The following WDFY1 variants were observed in gnomAD, a reference collection of about 807,000 sequenced individuals.
WDFY1 encodes the protein WD repeat and FYVE domain containing 1.
WDFY1 carries 32 observed loss-of-function variants against 56.4 expected under a neutral mutation model. The observed-to-expected ratio is 0.57, with a 90% CI of 0.43 to 0.76. The LOEUF (loss-of-function observed/expected upper bound fraction) is 0.76, where lower values mean the gene tolerates loss of function less well. WDFY1 is among the 30% of genes least tolerant of loss of function. The pLI, the probability that WDFY1 is intolerant of heterozygous loss-of-function variation, is 0.00. For synonymous variants in WDFY1, 192 were observed against 197.3 expected, an observed-to-expected ratio of 0.97 and a Z score of 0.23; for missense variants, 480 against 545.7, an observed-to-expected ratio of 0.88 and a Z score of 1.20.
chr2:223,943,856 G>A (rs1419270274), intron 1 of WDFY1, among the ~76,000 whole-genome samples: 1 of 152,160 alleles, frequency 6.6e-6, no homozygotes, highest in Non-Finnish European at 1.5e-5. Context: ...ACCTCCACCA[G>A]CCTCGGCTTC....
chr2:223,924,021 A>G (rs1048143606), intron 1 of WDFY1, among the ~76,000 whole-genome samples: 1 of 152,176 alleles, frequency 6.6e-6, no homozygotes, highest in Non-Finnish European at 1.5e-5. Flanking sequence ...GGACCACATC[A>G]ATCTGGGGAA....
At chr2:223,907,267 G>T (rs529250718) in intron 3 of WDFY1, among the ~76,000 whole-genome samples, 2 of 152,008 alleles carry the variant, frequency 1.3e-5, no homozygotes, top group Admixed American at 6.6e-5. Context: ...ATGAGCCACC[G>T]TGCCCAGCCA....
In WDFY1 at chr2:223,875,713, C is replaced by T. The variant is rs1276576400; in HGVS notation, c.*2958G>A. The T allele has an allele frequency of 2.0e-5, 3 of 152,160 alleles. No individual in the cohort carries two copies. Among genetic ancestry groups the T allele is most frequent in the African/African-American group, 7.2e-5 (3 of 41,444 alleles). The allele number at this position is 152,160 out of a possible 1,614,324, so 9.4% of individuals were successfully genotyped here. ...GCAATAGACACTTGAATAAATATAG[C>T]ATGTATTACTTATTTGTTAAGCCTT... On this transcript the variant is annotated 3_prime_UTR_variant, in exon 12 of 12. Coordinates refer to ENST00000233055, the MANE Select transcript of WDFY1 (RefSeq NM_020830.5).
chr2:223,940,398 G>A (rs1326048767), intron 1 of WDFY1, among the ~76,000 whole-genome samples: 1 of 152,126 alleles, frequency 6.6e-6, no homozygotes, highest in Non-Finnish European at 1.5e-5. Context: ...CTGACGTTTA[G>A]AATGCACTAA....
intron 6 of WDFY1, among the ~76,000 whole-genome samples, chr2:223,895,877 G>A (rs563440350): frequency 6.6e-6 from 1 of 151,978 alleles, no homozygotes; most frequent in South Asian, 2.1e-4. Flanking sequence ...ACTACTTTGG[G>A]CCGGGCATGG....
intron 4 of WDFY1, among the ~76,000 whole-genome samples, chr2:223,905,176 G>A (rs532806335): frequency 3.3e-5 from 5 of 152,212 alleles, no homozygotes; most frequent in African/African-American, 1.2e-4. Flanking sequence ...TTCATGAACA[G>A]GTATTCTCAG....
intron 1 of WDFY1, among the ~76,000 whole-genome samples, chr2:223,938,841 T>C (rs1365888854): frequency 7.0e-6 from 1 of 142,886 alleles, no homozygotes; most frequent in African/African-American, 2.6e-5. Flanking sequence ...AAAAAGAGGA[T>C]AAAATGTAAG....
At position 223,907,179 on chromosome 2, in the gene WDFY1, G is replaced by T. The variant is rs547075262; in HGVS notation, c.280-1178C>A. Among the ~76,000 whole-genome samples the T allele has an allele frequency of 3.9e-5, 6 of 151,902 alleles. No homozygotes were observed. The South Asian group carries it at 1.2e-3, about 32-fold the overall frequency. On this transcript the variant is annotated intron_variant, in intron 3 of 11. Coordinates refer to ENST00000233055, the MANE Select transcript of WDFY1 (RefSeq NM_020830.5). Reference sequence around the variant, plus strand: ...TTTAGTACAGACAGGGTTTCACCATGTTGGCCAGCCTGGTCTTGAACTCAC... The same window carrying T: ...TTTAGTACAGACAGGGTTTCACCATTTTGGCCAGCCTGGTCTTGAACTCAC...
intron 1 of WDFY1, among the ~76,000 whole-genome samples, chr2:223,932,334 G>A (rs985829546): frequency 1.3e-5 from 2 of 150,836 alleles, no homozygotes; most frequent in East Asian, 2.0e-4. Flanking sequence ...GTGTTAGCCA[G>A]GATGGTCTCG....
rs71058956 is a variant in WDFY1, at chr2:223,896,155, CAAAAAAAAAAAA to C, written c.599-537_599-526del. ...TGGGTGACAGAGTGAGACTCTGTCT[CAAAAAAAAAAAA>C]AAAAAAAAAAAAAAAACTGCTTGTA... is the stretch of plus-strand genomic sequence containing the variant. On this transcript the variant is annotated intron_variant, in intron 6 of 11. Coordinates refer to ENST00000233055, the MANE Select transcript of WDFY1 (RefSeq NM_020830.5). Among the ~76,000 whole-genome samples, 16 of 39,840 alleles carry C rather than the reference CAAAAAAAAAAAA, an allele frequency of 4.0e-4. No individual in the cohort carries two copies. The South Asian group carries it at 0.01, about 26-fold the overall frequency. 26.1% of individuals were successfully genotyped at this position (39,840 alleles called of 152,430 possible).
intron 6 of WDFY1, among the ~76,000 whole-genome samples, chr2:223,897,226 G>A (rs976268704): frequency 1.3e-5 from 2 of 151,534 alleles, no homozygotes; most frequent in African/African-American, 4.9e-5. Context: ...CCATAAACCA[G>A]ATGGCCTCAA....
At chr2:223,919,722 C>A (rs1231865734) in intron 1 of WDFY1, among the ~76,000 whole-genome samples, 1 of 152,184 alleles carries the variant, frequency 6.6e-6, no homozygotes, top group African/African-American at 2.4e-5. Flanking sequence ...TAAGTAGGAG[C>A]TGAATAAATG....
intron 3 of WDFY1, among the ~76,000 whole-genome samples, chr2:223,907,282 T>G (rs1251257976): frequency 2.6e-5 from 4 of 152,116 alleles, no homozygotes; most frequent in Admixed American, 2.6e-4. Context: ...CAGCCAAGAA[T>G]ACTATTATTG....
chr2:223,904,989 A>G (rs1011417924), intron 4 of WDFY1, among the ~76,000 whole-genome samples: 2 of 152,252 alleles, frequency 1.3e-5, no homozygotes, highest in African/African-American at 4.8e-5. Flanking sequence ...AAAAGTGCTT[A>G]CAATTCAGTT....
intron 1 of WDFY1, among the ~76,000 whole-genome samples, chr2:223,924,924 A>G (rs1352962367): frequency 6.6e-6 from 1 of 152,192 alleles, no homozygotes; most frequent in Non-Finnish European, 1.5e-5. Context: ...AGAGAGAAAC[A>G]AATACACCTG....
chr2:223,938,889 C>G (rs1287585353), intron 1 of WDFY1, among the ~76,000 whole-genome samples: 2 of 129,142 alleles, frequency 1.5e-5, no homozygotes, highest in Non-Finnish European at 3.2e-5. Flanking sequence ...GGGTTTTGGT[C>G]TGTCACCCAG....
At chr2:223,905,365 AT>A in intron 4 of WDFY1, among the ~76,000 whole-genome samples, 1 of 152,222 alleles carries the variant, frequency 6.6e-6, no homozygotes, top group East Asian at 1.9e-4. Context: ...AATCGGAATT[AT>A]AGAATTTGGA....
At chr2:223,881,865 T>G in intron 10 of WDFY1, 77 bp downstream of exon 10, 1 of 1,559,662 alleles carries the variant, frequency 6.4e-7, no homozygotes, top group Non-Finnish European at 8.7e-7. Flanking sequence ...CTATCACTTC[T>G]GAAGCTCTTC....
chr2:223,943,022 A>G (rs1200479900), intron 1 of WDFY1, among the ~76,000 whole-genome samples: 1 of 150,928 alleles, frequency 6.6e-6, no homozygotes, highest in Admixed American at 6.6e-5. Flanking sequence ...CTCTACTAAA[A>G]ATAGAAAAAT....
Sources: gnomAD v4.1 joint callset for allele counts (sites outside exome capture counted in the v4.1 genomes callset) on GRCh38, gnomAD v4.1.1 for gene constraint, MANE v1.5 for transcripts, NCBI Gene and HGNC (gene_info 2026-07-23, HGNC 2026-07-21) for gene names.